The following PRKD1 variants were observed in gnomAD, a reference collection of about 807,000 sequenced individuals.
PRKD1 encodes the protein protein kinase D1, also known as serine/threonine-protein kinase D1.
A neutral mutation model predicts 95.9 loss-of-function variants in PRKD1; 63 were observed. That is an observed-to-expected ratio of 0.66 (90% CI 0.54 to 0.81). The LOEUF is 0.81. Ranked by LOEUF, PRKD1 falls within the 30% of genes least tolerant of loss-of-function variation. The pLI, the probability that PRKD1 is intolerant of heterozygous loss-of-function variation, is 0.00. For synonymous variants in PRKD1, 425 were observed against 423.1 expected (o/e 1.00, Z -0.05); for missense variants, 1,048 against 1,165.3 (o/e 0.90, Z 1.47).
At chr14:29,838,435 A>G (rs1285253203) in intron 1 of PRKD1, among the ~76,000 whole-genome samples, 2 of 152,220 alleles carry the variant, frequency 1.3e-5, no homozygotes, top group African/African-American at 4.8e-5. Flanking sequence ...GGCCCCCTGT[A>G]TAATCCTTCC....
Position 29,885,150 on chromosome 14 carries a change from G to A in PRKD1, c.264+42099C>T, listed in dbSNP as rs1893657946. The stretch of plus-strand genomic sequence containing the variant: ...AAAAAAAAAAAAAAAAAAAGAATTA[G>A]TAAAGATTCACCAGGGGTTGAGCTC... On this transcript the variant is annotated intron_variant, in intron 1 of 17. Coordinates refer to ENST00000331968, the MANE Select transcript of PRKD1 (RefSeq NM_002742.3). 2.0e-5 allele frequency among the ~76,000 whole-genome samples: 3 copies of A among 148,416 alleles called. No homozygotes were observed. In the South Asian group the frequency reaches 6.4e-4, roughly 32 times the overall value.
At chr14:29,835,041 A>G (rs1041941844) in intron 1 of PRKD1, among the ~76,000 whole-genome samples, 2 of 152,166 alleles carry the variant, frequency 1.3e-5, no homozygotes, top group African/African-American at 4.8e-5. Context: ...GTGAGTTTAC[A>G]ATCTGATGAA....
chr14:29,902,262 A>G (rs1894346140), intron 1 of PRKD1, among the ~76,000 whole-genome samples: 2 of 147,162 alleles, frequency 1.4e-5, no homozygotes, highest in Admixed American at 1.4e-4. Flanking sequence ...TCCATCTCCA[A>G]AAAAAAAAAA....
At chr14:29,585,853 T>C (rs563435528) in intron 16 of PRKD1, among the ~76,000 whole-genome samples, 27 of 152,328 alleles carry the variant, frequency 1.8e-4, no homozygotes, top group African/African-American at 5.3e-4. Context: ...AAACCAAAGG[T>C]CAAGTGAAAA....
chr14:29,782,500 C>T (rs908373985), intron 1 of PRKD1, among the ~76,000 whole-genome samples: 4 of 151,980 alleles, frequency 2.6e-5, no homozygotes, highest in Non-Finnish European at 5.9e-5. Context: ...AATGTTTATT[C>T]TAATGTAATA....
chr14:29,595,919 A>G (rs182850267), intron 16 of PRKD1, among the ~76,000 whole-genome samples: 3 of 152,244 alleles, frequency 2.0e-5, no homozygotes, highest in Non-Finnish European at 2.9e-5. Flanking sequence ...TAACAAGGGT[A>G]CTGGTCACAA....
At position 29,720,796 on chromosome 14, in the gene PRKD1, T is replaced by TA. The variant is rs1451336017; in HGVS notation, c.403+4739dup. On this transcript the variant is annotated intron_variant, in intron 2 of 17. Transcript: ENST00000331968. ...TTCTGTCTCAAAAAAAATAAATAAATAAATAAATAAATAAATCCTGAAGCC... is the reference window on the plus strand; with the variant it reads ...TTCTGTCTCAAAAAAAATAAATAAATAAAATAAATAAATAAATCCTGAAGCC... 2.6e-3 allele frequency among the ~76,000 whole-genome samples: 392 copies of TA among 148,766 alleles called. 2 individuals are homozygous for TA. The highest frequency in any genetic ancestry group is 9.4e-3 in the African/African-American group (371 of 39,392).
rs61570904 is a variant in PRKD1, at chr14:29,729,314, T to C, written c.265-3640A>G. On this transcript the variant is annotated intron_variant, in intron 1 of 17. Transcript: ENST00000331968. ...AAGCCATGTTAAGCCCAGATTTTCC[T>C]TTGCTGGAGGACTTAAAACTTCATA... Among the ~76,000 whole-genome samples, 476 of 152,218 alleles carry C rather than the reference T, an allele frequency of 3.1e-3. 1 individual carries two copies. The highest frequency in any genetic ancestry group is 0.01 in the African/African-American group (419 of 41,574).
At chr14:29,720,259 T>C (rs374788873) in intron 2 of PRKD1, among the ~76,000 whole-genome samples, 125 of 152,188 alleles carry the variant, frequency 8.2e-4, no homozygotes, top group African/African-American at 2.9e-3. Context: ...ATTTTACAGA[T>C]GAGGAAACGT....
At chr14:29,663,088 A>C (rs1882274412) in intron 4 of PRKD1, among the ~76,000 whole-genome samples, 1 of 145,946 alleles carries the variant, frequency 6.9e-6, no homozygotes, top group South Asian at 2.1e-4. Context: ...TAAAATATAT[A>C]CTATATAATA....
At chr14:29,707,257 T>C (rs1203742105) in intron 2 of PRKD1, among the ~76,000 whole-genome samples, 1 of 151,968 alleles carries the variant, frequency 6.6e-6, no homozygotes, top group South Asian at 2.1e-4. Context: ...TAGAAAAGAA[T>C]GAAATGAGAG....
At chr14:29,833,976 C>G (rs952862083) in intron 1 of PRKD1, among the ~76,000 whole-genome samples, 1 of 152,090 alleles carries the variant, frequency 6.6e-6, no homozygotes, top group African/African-American at 2.4e-5. Flanking sequence ...AGGAACACAG[C>G]TCACTTCCTA....
chr14:29,825,435 T>C (rs1891072256), intron 1 of PRKD1, among the ~76,000 whole-genome samples: 1 of 152,070 alleles, frequency 6.6e-6, no homozygotes, highest in Non-Finnish European at 1.5e-5. Flanking sequence ...TTTGTGTGTG[T>C]ATGCTTGGAA....
At chr14:29,678,843 CA>C (rs796661383) in intron 2 of PRKD1, among the ~76,000 whole-genome samples, 15 of 152,230 alleles carry the variant, frequency 9.9e-5, no homozygotes, top group African/African-American at 3.1e-4. Flanking sequence ...ATGTAATTAG[CA>C]CACATTTAAC....
At chr14:29,672,340 C>CAA (rs564550184) in intron 2 of PRKD1, among the ~76,000 whole-genome samples, 1 of 123,688 alleles carries the variant, frequency 8.1e-6, no homozygotes. Flanking sequence ...GACTCTGTCT[C>CAA]AAAAAAAAAA....
chr14:29,675,995 G>GA (rs1566531884), intron 2 of PRKD1, among the ~76,000 whole-genome samples: 1 of 119,134 alleles, frequency 8.4e-6, no homozygotes, highest in Non-Finnish European at 1.7e-5. Flanking sequence ...GGGGGGTGGG[G>GA]GGAGGGATAA....
chr14:29,701,044 T>C (rs1884819371), intron 2 of PRKD1, among the ~76,000 whole-genome samples: 1 of 138,144 alleles, frequency 7.2e-6, no homozygotes, highest in African/African-American at 2.9e-5. Flanking sequence ...TCCTACTTAA[T>C]AGAGTTCAGA....
chr14:29,839,902 C>T (rs944005988), intron 1 of PRKD1, among the ~76,000 whole-genome samples: 1 of 151,992 alleles, frequency 6.6e-6, no homozygotes, highest in African/African-American at 2.4e-5. Context: ...TCCCTTGGAC[C>T]AGCCCACAAA....
In PRKD1 at chr14:29,636,273, G is replaced by A. The variant is rs749489974; in HGVS notation, c.1190+17C>T. On this transcript the variant is annotated intron_variant, in intron 7 of 17. Transcript: ENST00000331968. ...TGGGGTTCCCCTGTTGGCTGAGGCT[G>A]GGAGTGCTGCTCTCACCTGATGGTT... The A allele has an allele frequency of 6.2e-7, 1 of 1,614,052 alleles. No homozygotes were observed. Among genetic ancestry groups the A allele is most frequent in the South Asian group, 1.1e-5 (1 of 91,088 alleles).
Sources: allele counts gnomAD v4.1 joint callset (sites outside exome capture counted in the v4.1 genomes callset), GRCh38; gene constraint gnomAD v4.1.1; transcripts MANE v1.5; gene names NCBI Gene and HGNC (gene_info 2026-07-23, HGNC 2026-07-21).